HIVEP1: variants seen among roughly 807,000 people sequenced by gnomAD.
The protein encoded by HIVEP1 is zinc finger protein 40.
A neutral mutation model predicts 180.0 loss-of-function variants in HIVEP1; 36 were observed. That is an observed-to-expected ratio of 0.20 (90% CI 0.15 to 0.26). HIVEP1 has a LOEUF of 0.26. Among genes scored for constraint, HIVEP1 ranks in the 10% least tolerant of loss-of-function variants. The pLI is 1.00. For missense variants in HIVEP1, 3,143 were observed against 3,268.7 expected, an observed-to-expected ratio of 0.96 and a Z score of 0.94; for synonymous variants, 1,239 against 1,239.0, an observed-to-expected ratio of 1.00 and a Z score of 0.00.
At chr6:12,073,619 C>T (rs951605340) in intron 2 of HIVEP1, among the ~76,000 whole-genome samples, 3 of 152,180 alleles carry the variant, frequency 2.0e-5, no homozygotes, top group Non-Finnish European at 4.4e-5. Context: ...GTCAACACAT[C>T]TAGTTTCTGC....
intron 2 of HIVEP1, among the ~76,000 whole-genome samples, chr6:12,068,518 G>C (rs1380767841): frequency 6.6e-6 from 1 of 152,112 alleles, no homozygotes; most frequent in Non-Finnish European, 1.5e-5. Context: ...TCTTAATTTG[G>C]AAGGAGGAAA....
intron 2 of HIVEP1, among the ~76,000 whole-genome samples, chr6:12,056,320 ATGT>A (rs909536678): frequency 1.3e-5 from 2 of 151,532 alleles, no homozygotes; most frequent in Non-Finnish European, 3.0e-5. Flanking sequence ...AGGTAGTATG[ATGT>A]TCTTAAGGAA....
intron 2 of HIVEP1, among the ~76,000 whole-genome samples, chr6:12,041,503 G>GTTT (rs200332666): frequency 7.5e-6 from 1 of 133,976 alleles, no homozygotes; most frequent in African/African-American, 2.7e-5. Context: ...TAGCTTACAT[G>GTTT]TTTTTTTTTT....
intron 2 of HIVEP1, among the ~76,000 whole-genome samples, chr6:12,034,441 T>C (rs1769148131): frequency 1.3e-5 from 2 of 152,280 alleles, no homozygotes; most frequent in South Asian, 4.1e-4. Flanking sequence ...TGCAAGGCAC[T>C]GTGCCTGCTG....
chr6:12,030,082 G>A (rs1768839669), intron 2 of HIVEP1, among the ~76,000 whole-genome samples: 1 of 152,066 alleles, frequency 6.6e-6, no homozygotes, highest in African/African-American at 2.4e-5. Flanking sequence ...TGGTTGATAG[G>A]GTTTTGTTGT....
intron 3 of HIVEP1, among the ~76,000 whole-genome samples, chr6:12,095,582 A>G (rs1309895130): frequency 6.7e-6 from 1 of 149,158 alleles, no homozygotes; most frequent in Non-Finnish European, 1.5e-5. Context: ...GTTTTTTAAA[A>G]CCATTTAGGA....
rs1436516760 is a variant in HIVEP1 at position 12,012,477 on chromosome 6, G to A, written c.-193G>A. The A allele has an allele frequency of 2.0e-5, 3 of 150,182 alleles. No homozygotes were observed. Among genetic ancestry groups the A allele is most frequent in the Admixed American group, 2.0e-4 (3 of 15,066 alleles). The allele number at this position is 150,182 out of a possible 1,614,324, so 9.3% of individuals were successfully genotyped here. Reference sequence around the variant, plus strand: ...GCCGCCGCCGCCGCGCGGGGGTCGCGGAGATCCCGAGCCGCGGCCGCCGCC... The same window carrying A: ...GCCGCCGCCGCCGCGCGGGGGTCGCAGAGATCCCGAGCCGCGGCCGCCGCC... On this transcript the variant is annotated 5_prime_UTR_variant, in exon 1 of 9. Transcript: ENST00000379388.
chr6:12,202,113 T>C, the HIVEP1 span, among the ~76,000 whole-genome samples: 1 of 152,232 alleles, frequency 6.6e-6, no homozygotes, highest in East Asian at 1.9e-4. Flanking sequence ...AATTTTAATT[T>C]TCTACTGCAT....
the HIVEP1 span, among the ~76,000 whole-genome samples, chr6:12,185,944 C>T: frequency 6.6e-6 from 1 of 151,440 alleles, no homozygotes; most frequent in African/African-American, 2.4e-5. Context: ...TCCTAGAAAT[C>T]TAATCAAGAG....
At chr6:12,205,856 C>A in the HIVEP1 span, among the ~76,000 whole-genome samples, 2 of 152,066 alleles carry the variant, frequency 1.3e-5, no homozygotes, top group South Asian at 2.1e-4. Context: ...TCTATGTGAC[C>A]CTGAAACCCA....
At position 12,139,773 on chromosome 6, in the gene HIVEP1, C is replaced by T. The variant is rs140609643; in HGVS notation, c.6487+3881C>T. On this transcript the variant is annotated intron_variant, in intron 7 of 8. Transcript: ENST00000379388. ...TGAGATCTACCTGTGAGGCAGCAGC[C>T]TGGCAGAGGGAGTGGCATCTGCCAT... is the stretch of plus-strand genomic sequence containing the variant. 1.1e-3 allele frequency among the ~76,000 whole-genome samples: 171 copies of T among 152,378 alleles called. 1 individual carries two copies. The highest frequency in any genetic ancestry group is 3.8e-3 in the African/African-American group (160 of 41,590).
the HIVEP1 span, among the ~76,000 whole-genome samples, chr6:12,204,437 A>G: frequency 7.0e-6 from 1 of 143,212 alleles, no homozygotes; most frequent in Non-Finnish European, 1.5e-5. Context: ...AGTGCTTCTT[A>G]TATCCCAGGC....
chr6:12,211,611 C>T, the HIVEP1 span, among the ~76,000 whole-genome samples: 1 of 151,040 alleles, frequency 6.6e-6, no homozygotes, highest in East Asian at 1.9e-4. Flanking sequence ...TAGTATTGCC[C>T]GATTTTGAAA....
chr6:12,145,073 A>T (rs1759286694), intron 7 of HIVEP1, among the ~76,000 whole-genome samples: 1 of 152,226 alleles, frequency 6.6e-6, no homozygotes, highest in South Asian at 2.1e-4. Flanking sequence ...ATGCACACGT[A>T]TGTTTATTGC....
At chr6:12,021,182 G>GGCCC (rs1295314002) in intron 2 of HIVEP1, among the ~76,000 whole-genome samples, 1 of 152,064 alleles carries the variant, frequency 6.6e-6, no homozygotes, top group Non-Finnish European at 1.5e-5. Flanking sequence ...CACCGCACCC[G>GGCCC]GCCCAGACTC....
At chr6:12,091,419 C>A (rs1773465340) in intron 3 of HIVEP1, among the ~76,000 whole-genome samples, 1 of 152,052 alleles carries the variant, frequency 6.6e-6, no homozygotes, top group Non-Finnish European at 1.5e-5. Flanking sequence ...TGGTCTTTAA[C>A]TTATTTGAGG....
At position 12,121,205 on chromosome 6, in the gene HIVEP1, T is replaced by A; in HGVS notation, c.1410T>A (p.Ala470=). The A allele has an allele frequency of 1.2e-6, 2 of 1,614,186 alleles. No homozygotes were observed. Among genetic ancestry groups the A allele is most frequent in the Non-Finnish European group, 1.7e-6 (2 of 1,180,032 alleles). Residue 470 remains alanine, a synonymous_variant, in exon 4 of 9, where the codon GCT becomes GCA. Transcript: ENST00000379388. The surrounding 1 kb of genome is among the most constrained non-coding windows in gnomAD (Gnocchi z 5.3). ...TGGGTCTTGTCTTGCAACCAGATGC[T>A]GGTGGCTTGTTCTTGTCCCACGAGT... is the stretch of plus-strand genomic sequence containing the variant. ...IKLGLVLQPD[A]GGLFLSHESP...
At chr6:12,111,938 A>T (rs1209530832) in intron 3 of HIVEP1, among the ~76,000 whole-genome samples, 2 of 152,220 alleles carry the variant, frequency 1.3e-5, no homozygotes, top group Non-Finnish European at 2.9e-5. Context: ...TGGACAGTAC[A>T]ACTTTACACT....
Position 12,052,028 on chromosome 6 carries a change from A to C in HIVEP1, c.40+36360A>C, listed in dbSNP as rs182399688. Among the ~76,000 whole-genome samples the C allele has an allele frequency of 1.8e-3, 273 of 152,316 alleles. 2 individuals carry two copies. Among genetic ancestry groups the C allele is most frequent in the South Asian group, 3.3e-3 (16 of 4,832 alleles). ...GGATAGCATGTCGTGGTGTGTGGTT[A>C]GCCAATACAGAGATCTAAGAGGCTG... On this transcript the variant is annotated intron_variant, in intron 2 of 8. Transcript: ENST00000379388.
Sources: gnomAD v4.1 joint callset for allele counts (sites outside exome capture counted in the v4.1 genomes callset) on GRCh38, gnomAD v4.1.1 for gene constraint, Gnocchi (gnomAD v3.1) non-coding constraint, MANE v1.5 for transcripts, NCBI Gene and HGNC (gene_info 2026-07-23, HGNC 2026-07-21) for gene names.